Variants in SCGN observed in about 807,000 individuals in gnomAD.
SCGN encodes secretagogin.
SCGN carries 30 observed loss-of-function variants against 39.7 expected under a neutral mutation model. The observed-to-expected ratio is 0.76, with a 90% CI of 0.57 to 1.03. The LOEUF (loss-of-function observed/expected upper bound fraction) is 1.03. Among genes scored for constraint, SCGN ranks in the 50% least tolerant of loss-of-function variants. SCGN has a pLI of 0.00. For synonymous variants in SCGN, 106 were observed against 114.1 expected (o/e 0.93, Z 0.45); for missense variants, 353 against 349.4 (o/e 1.01, Z -0.08).
At chr6:25,696,026 C>T (rs1240590050) in intron 10 of SCGN, among the ~76,000 whole-genome samples, 2 of 152,108 alleles carry the variant, frequency 1.3e-5, no homozygotes, top group Non-Finnish European at 2.9e-5. Flanking sequence ...CACAGTCCTC[C>T]CTAAAGTTCT....
intron 7 of SCGN, among the ~76,000 whole-genome samples, chr6:25,684,561 G>A (rs184951542): frequency 9.9e-5 from 15 of 152,284 alleles, no homozygotes; most frequent in African/African-American, 2.4e-4. Flanking sequence ...GTGGGAGGCC[G>A]AGGCAGGTGC....
intron 9 of SCGN, among the ~76,000 whole-genome samples, chr6:25,690,843 T>C (rs978203462): frequency 6.6e-6 from 1 of 152,244 alleles, no homozygotes; most frequent in Non-Finnish European, 1.5e-5. Flanking sequence ...AAGTATGACT[T>C]CTCATTTGGT....
chr6:25,670,893 C>T (rs1759489118), intron 6 of SCGN, among the ~76,000 whole-genome samples: 1 of 152,226 alleles, frequency 6.6e-6, no homozygotes, highest in African/African-American at 2.4e-5. Context: ...TCTGGCTCCT[C>T]TGTCTTTTCT....
rs371166189 is a variant in SCGN at position 25,661,504 on chromosome 6, C to G, written c.154-48C>G. On this transcript the variant is annotated intron_variant, in intron 2 of 10. Coordinates refer to ENST00000377961, the MANE Select transcript of SCGN (RefSeq NM_006998.4). ...TGAATATTTGCCATCCTAACTATATCTTTGAGATTCCAGTGGCTTTAATGT... is the reference window on the plus strand; with the variant it reads ...TGAATATTTGCCATCCTAACTATATGTTTGAGATTCCAGTGGCTTTAATGT... The G allele has an allele frequency of 1.7e-5, 22 of 1,276,434 alleles. No homozygotes were observed. The African/African-American group carries it at 2.5e-4, about 14-fold the overall frequency. 79.1% of individuals were successfully genotyped at this position (1,276,434 alleles called of 1,614,324 possible).
At chr6:25,653,577 C>A in intron 2 of SCGN, 125 bp downstream of exon 2, 1 of 677,894 alleles carries the variant, frequency 1.5e-6, no homozygotes, top group South Asian at 2.0e-5. Flanking sequence ...TATGTAATTT[C>A]TCCCCCTCTC....
At chr6:25,664,184 A>G (rs556983328) in intron 3 of SCGN, among the ~76,000 whole-genome samples, 3 of 152,346 alleles carry the variant, frequency 2.0e-5, no homozygotes, top group Admixed American at 2.0e-4. Context: ...GATTGGTTGA[A>G]TTCATCATAC....
intron 3 of SCGN, 109 bp from the exon 4 acceptor site, chr6:25,664,834 T>C (rs1418434778): frequency 4.3e-6 from 3 of 695,480 alleles, no homozygotes; most frequent in Non-Finnish European, 7.4e-6. Flanking sequence ...TCCTGGAAGA[T>C]CTGAGCCCTT....
intron 4 of SCGN, 102 bp downstream of exon 4, chr6:25,665,134 G>A (rs1760404609): frequency 2.3e-6 from 2 of 875,790 alleles, no homozygotes; most frequent in Non-Finnish European, 3.7e-6. Context: ...GTGCTCAAGG[G>A]AGAGCTGAGC....
chr6:25,679,618 T>A (rs1419202806), intron 6 of SCGN, among the ~76,000 whole-genome samples: 1 of 152,164 alleles, frequency 6.6e-6, no homozygotes, highest in East Asian at 1.9e-4. Flanking sequence ...TAGGCTTATA[T>A]CTCTTGGTTT....
At chr6:25,700,236 C>T (rs1759893207) in intron 10 of SCGN, among the ~76,000 whole-genome samples, 1 of 66,540 alleles carries the variant, frequency 1.5e-5, no homozygotes, top group East Asian at 4.7e-4. Context: ...GCTGCGACTT[C>T]GTCTCAAAAA....
intron 4 of SCGN, among the ~76,000 whole-genome samples, chr6:25,665,236 T>C (rs1308971517): frequency 6.6e-6 from 1 of 152,096 alleles, no homozygotes; most frequent in Non-Finnish European, 1.5e-5. Flanking sequence ...GGGGTGCTCC[T>C]GAGCTGACAG....
chr6:25,701,486 C>T lies in SCGN; in HGVS notation c.*151C>T. 1.1e-6 allele frequency: 1 copy of T among 916,224 alleles called. No individual in the cohort carries two copies. The highest frequency in any genetic ancestry group is 2.7e-5 in the East Asian group (1 of 37,506). The allele number at this position is 916,224 out of a possible 1,614,324, so 56.8% of individuals were successfully genotyped here. A position where few individuals can be genotyped will look rare whatever the true frequency, so the allele number is the denominator to read the frequency against. On this transcript the variant is annotated 3_prime_UTR_variant, in exon 11 of 11. Transcript: ENST00000377961. Reference sequence around the variant, plus strand: ...AACAGGGACGCTAGGGCCTTCCTTCCACCGGCGTGATCTATCCCTGTCTCA... The same window carrying T: ...AACAGGGACGCTAGGGCCTTCCTTCTACCGGCGTGATCTATCCCTGTCTCA...
chr6:25,671,101 G>C (rs1056176713), intron 6 of SCGN, among the ~76,000 whole-genome samples: 3 of 152,204 alleles, frequency 2.0e-5, no homozygotes, highest in Non-Finnish European at 2.9e-5. Flanking sequence ...ATATTACTGA[G>C]AAGAGTTTGT....
At chr6:25,660,744 A>G (rs9461188) in intron 2 of SCGN, among the ~76,000 whole-genome samples, 43,881 of 152,060 alleles carry the variant, frequency 0.29, 6,429 homozygotes, top group African/African-American at 0.34. Context: ...AGGGAGGATA[A>G]TGAGTCAACA....
At chr6:25,697,596 C>T (rs1369535372) in intron 10 of SCGN, among the ~76,000 whole-genome samples, 1 of 152,096 alleles carries the variant, frequency 6.6e-6, no homozygotes, top group African/African-American at 2.4e-5. Flanking sequence ...AGGTGTATGA[C>T]AAAAACAGGA....
chr6:25,680,487 C>A (rs1358545930), intron 6 of SCGN, among the ~76,000 whole-genome samples: 1 of 152,214 alleles, frequency 6.6e-6, no homozygotes, highest in Non-Finnish European at 1.5e-5. Context: ...ATTTACCACA[C>A]TGGTGTTTAG....
chr6:25,695,101 G>A (rs1759822275), intron 10 of SCGN, among the ~76,000 whole-genome samples: 1 of 152,044 alleles, frequency 6.6e-6, no homozygotes, highest in African/African-American at 2.4e-5. Context: ...GACTTTACAT[G>A]GACAAGATTA....
At chr6:25,686,651 T>C (rs1437530406) in intron 7 of SCGN, among the ~76,000 whole-genome samples, 2 of 151,798 alleles carry the variant, frequency 1.3e-5, no homozygotes, top group Non-Finnish European at 2.9e-5. Context: ...GAGAGTCGTG[T>C]TTTCATTTTC....
intron 8 of SCGN, 113 bp downstream of exon 8, chr6:25,689,330 A>C: frequency 8.7e-7 from 1 of 1,150,780 alleles, no homozygotes; most frequent in Non-Finnish European, 1.3e-6. Context: ...ACTTATTTAG[A>C]AAACAGACAA....
Sources: gnomAD v4.1 joint callset for allele counts (sites outside exome capture counted in the v4.1 genomes callset) on GRCh38, gnomAD v4.1.1 for gene constraint, MANE v1.5 for transcripts, NCBI Gene and HGNC (gene_info 2026-07-23, HGNC 2026-07-21) for gene names.